VPS13B: variants seen among roughly 807,000 people sequenced by gnomAD.
VPS13B encodes the protein intermembrane lipid transfer protein VPS13B.
A neutral mutation model predicts 426.4 loss-of-function variants in VPS13B; 285 were observed. The ratio of observed to expected loss-of-function variants is 0.67; its 90% CI spans 0.61 to 0.74. VPS13B has a LOEUF of 0.74. VPS13B is among the 30% of genes least tolerant of loss of function. VPS13B has a pLI of 0.00. For synonymous variants in VPS13B, 1,676 were observed against 1,676.4 expected (o/e 1.00, Z 0.01); for missense variants, 4,537 against 4,782.6 (o/e 0.95, Z 1.51).
intron 3 of VPS13B, among the ~76,000 whole-genome samples, chr8:99,057,530 T>C (rs1453732391): frequency 1.3e-5 from 2 of 152,198 alleles, no homozygotes; most frequent in Non-Finnish European, 2.9e-5. Flanking sequence ...TTCGTTATTT[T>C]AGTGCTCACT....
intron 35 of VPS13B, among the ~76,000 whole-genome samples, chr8:99,672,414 A>C (rs183342858): frequency 6.6e-6 from 1 of 152,088 alleles, no homozygotes; most frequent in African/African-American, 2.4e-5. Flanking sequence ...TTTCTTCTTC[A>C]GATAGCTCTC....
intron 5 of VPS13B, among the ~76,000 whole-genome samples, chr8:99,107,629 T>G (rs1412661525): frequency 6.6e-6 from 1 of 152,194 alleles, no homozygotes; most frequent in Non-Finnish European, 1.5e-5. Context: ...TTCAAGTTGT[T>G]CTAAAATATT....
intron 2 of VPS13B, among the ~76,000 whole-genome samples, chr8:99,029,453 G>C (rs1278046045): frequency 6.6e-6 from 1 of 152,024 alleles, no homozygotes; most frequent in Non-Finnish European, 1.5e-5. Flanking sequence ...AGCGAGCCGA[G>C]ATCACGCCAC....
At chr8:99,021,069 C>T (rs1427415434) in intron 2 of VPS13B, among the ~76,000 whole-genome samples, 1 of 152,180 alleles carries the variant, frequency 6.6e-6, no homozygotes, top group South Asian at 2.1e-4. Flanking sequence ...AATTAGGGAT[C>T]AGCAAACTGT....
At position 99,076,612 on chromosome 8, in the gene VPS13B, C is replaced by CTTT. The variant is rs71273161; in HGVS notation, c.292-19687_292-19685dup. Among the ~76,000 whole-genome samples, 132 of 139,740 alleles carry CTTT rather than the reference C, an allele frequency of 9.4e-4. 3 individuals are homozygous for CTTT. The Middle Eastern group carries it at 0.03, about 32-fold the overall frequency. 91.7% of individuals were successfully genotyped at this position (139,740 alleles called of 152,430 possible). On this transcript the variant is annotated intron_variant, in intron 3 of 61. Coordinates refer to ENST00000357162, the MANE Select transcript of VPS13B (RefSeq NM_152564.5). ...ATCCTTTTATAATTAATGACTTTGT[C>CTTT]TTTTTTTTTTTTTTTACAGTTTTTC...
intron 35 of VPS13B, among the ~76,000 whole-genome samples, chr8:99,678,287 A>G (rs1034295001): frequency 3.9e-5 from 6 of 152,104 alleles, no homozygotes; most frequent in Admixed American, 3.3e-4. Flanking sequence ...TTTCTTTGAA[A>G]TAGTCCTCAA....
intron 31 of VPS13B, among the ~76,000 whole-genome samples, chr8:99,563,990 C>G (rs1380323669): frequency 6.6e-6 from 1 of 152,144 alleles, no homozygotes; most frequent in African/African-American, 2.4e-5. Flanking sequence ...AATGTGTTTA[C>G]TTCCCTGACC....
intron 39 of VPS13B, among the ~76,000 whole-genome samples, chr8:99,724,645 A>C (rs1417537641): frequency 6.6e-6 from 1 of 152,100 alleles, no homozygotes; most frequent in Non-Finnish European, 1.5e-5. Flanking sequence ...AATACACTTA[A>C]ATAAATAAAT....
At chr8:99,058,440 CA>C (rs1844002793) in intron 3 of VPS13B, among the ~76,000 whole-genome samples, 2 of 150,958 alleles carry the variant, frequency 1.3e-5, no homozygotes, top group Admixed American at 6.6e-5. Context: ...AATATATAAA[CA>C]TATATATTAG....
chr8:99,209,576 T>A (rs556764978), intron 17 of VPS13B: 3 of 281,624 alleles, frequency 1.1e-5, no homozygotes, highest in Non-Finnish European at 2.1e-5. Context: ...ATTTTTTTTT[T>A]TTTTTTACTT....
chr8:99,648,076 A>G (rs1829664716), intron 34 of VPS13B, among the ~76,000 whole-genome samples: 1 of 152,190 alleles, frequency 6.6e-6, no homozygotes, highest in South Asian at 2.1e-4. Context: ...TTACTTCAGA[A>G]GAACATCTTA....
chr8:99,503,034 C>A, intron 27 of VPS13B, 84 bp downstream of exon 27: 4 of 1,076,590 alleles, frequency 3.7e-6, no homozygotes, highest in Non-Finnish European at 5.6e-6. Flanking sequence ...TTTAATTTGG[C>A]TGGTTATTAA....
At chr8:99,643,801 C>T (rs919480777) in intron 34 of VPS13B, among the ~76,000 whole-genome samples, 4 of 152,162 alleles carry the variant, frequency 2.6e-5, no homozygotes, top group South Asian at 4.1e-4. Context: ...GCAACAACTG[C>T]CTCTCTTTCT....
At chr8:99,550,347 G>A (rs759948761) in intron 30 of VPS13B, among the ~76,000 whole-genome samples, 2 of 151,278 alleles carry the variant, frequency 1.3e-5, no homozygotes, top group African/African-American at 2.4e-5. Flanking sequence ...AGAAATTAGA[G>A]GACGCTATAT....
At chr8:99,362,411 G>A (rs555733899) in intron 19 of VPS13B, among the ~76,000 whole-genome samples, 10 of 151,972 alleles carry the variant, frequency 6.6e-5, no homozygotes, top group African/African-American at 2.4e-4. Flanking sequence ...CAAAGTGCTG[G>A]GATTATAAGC....
At chr8:99,702,546 A>T (rs1396889946) in intron 36 of VPS13B, among the ~76,000 whole-genome samples, 1 of 152,162 alleles carries the variant, frequency 6.6e-6, no homozygotes, top group Non-Finnish European at 1.5e-5. Context: ...AATTTTCATT[A>T]AAACCTCAAC....
intron 51 of VPS13B, among the ~76,000 whole-genome samples, chr8:99,828,386 C>A (rs2130843709): frequency 4.1e-5 from 4 of 96,558 alleles, no homozygotes; most frequent in East Asian, 3.5e-4. Context: ...ACTAGGATTA[C>A]AACCACCGTT....
intron 39 of VPS13B, among the ~76,000 whole-genome samples, chr8:99,732,623 A>T (rs1479338201): frequency 6.6e-6 from 1 of 152,184 alleles, no homozygotes; most frequent in African/African-American, 2.4e-5. Flanking sequence ...CAGTCTCTCC[A>T]CCCACCCAGT....
chr8:99,744,913 A>G (rs188680804), intron 39 of VPS13B, among the ~76,000 whole-genome samples: 2 of 152,140 alleles, frequency 1.3e-5, no homozygotes, highest in African/African-American at 2.4e-5. Context: ...TGGCACATGT[A>G]TACATATGTA....
Sources: gnomAD v4.1 joint callset for allele counts (sites outside exome capture counted in the v4.1 genomes callset) on GRCh38, gnomAD v4.1.1 for gene constraint, MANE v1.5 for transcripts, NCBI Gene and HGNC (gene_info 2026-07-23, HGNC 2026-07-21) for gene names.